PRKN: variants seen among roughly 807,000 people sequenced by gnomAD.
The protein encoded by PRKN is E3 ubiquitin-protein ligase parkin.
PRKN carries 56 observed loss-of-function variants against 59.5 expected under a neutral mutation model. That is an observed-to-expected ratio of 0.94 (90% CI 0.76 to 1.18). PRKN has a LOEUF of 1.18. Ranked by LOEUF, PRKN falls within the 50% of genes most tolerant of loss-of-function variation. The pLI, the probability that PRKN is intolerant of heterozygous loss-of-function variation, is 0.00. For missense variants in PRKN, 657 were observed against 596.4 expected (o/e 1.10, Z -1.06); for synonymous variants, 250 against 222.1 (o/e 1.13, Z -1.12).
At chr6:162,372,579 G>A (rs1054962716) in intron 2 of PRKN, among the ~76,000 whole-genome samples, 1 of 152,086 alleles carries the variant, frequency 6.6e-6, no homozygotes, top group Non-Finnish European at 1.5e-5. Flanking sequence ...GAGGGAGGAG[G>A]GAGGGTTGAA....
At chr6:162,259,387 G>A (rs1173406003) in intron 3 of PRKN, among the ~76,000 whole-genome samples, 1 of 152,094 alleles carries the variant, frequency 6.6e-6, no homozygotes, top group Non-Finnish European at 1.5e-5. Flanking sequence ...AACATTTTGG[G>A]GCCTCTACCC....
intron 3 of PRKN, among the ~76,000 whole-genome samples, chr6:162,220,434 G>A (rs1369099805): frequency 6.6e-6 from 1 of 152,164 alleles, no homozygotes; most frequent in Admixed American, 6.5e-5. Flanking sequence ...AATGAGCCCA[G>A]CAAGGCCAGA....
intron 1 of PRKN, among the ~76,000 whole-genome samples, chr6:162,533,401 G>A (rs955876750): frequency 6.6e-6 from 1 of 152,232 alleles, no homozygotes; most frequent in Non-Finnish European, 1.5e-5. Flanking sequence ...GGTGGCAGGG[G>A]CCTGTAATCC....
intron 7 of PRKN, among the ~76,000 whole-genome samples, chr6:161,690,630 G>C (rs1242565895): frequency 6.6e-6 from 1 of 152,166 alleles, no homozygotes; most frequent in Non-Finnish European, 1.5e-5. Flanking sequence ...GGCCTCCCCA[G>C]AATGGATGGG....
chr6:161,980,508 A>G (rs972564682), intron 5 of PRKN, among the ~76,000 whole-genome samples: 4 of 152,212 alleles, frequency 2.6e-5, no homozygotes, highest in Non-Finnish European at 4.4e-5. Flanking sequence ...GTGGAAGCAC[A>G]GAAGAACTAA....
At chr6:161,981,269 T>C (rs925127934) in intron 5 of PRKN, among the ~76,000 whole-genome samples, 11 of 152,334 alleles carry the variant, frequency 7.2e-5, no homozygotes, top group Admixed American at 2.0e-4. Flanking sequence ...GCTAGAATAG[T>C]TCCTCGTTAG....
At chr6:161,583,506 C>T (rs1781419863) in intron 7 of PRKN, among the ~76,000 whole-genome samples, 1 of 151,692 alleles carries the variant, frequency 6.6e-6, no homozygotes, top group Non-Finnish European at 1.5e-5. Context: ...TTAATATTTA[C>T]AATTCCCTTT....
chr6:162,727,708 C>A lies in PRKN; in HGVS notation c.-40G>T, dbSNP rs561919613. ...TGGCGGCTGCGGGCCAGGAACAGGC[C>A]CATGCGCGCAGCGGCGCCAGCCGCG... On this transcript the variant is annotated 5_prime_UTR_variant, in exon 1 of 12. Coordinates refer to ENST00000366898, the MANE Select transcript of PRKN (RefSeq NM_004562.3). 7.7e-6 allele frequency: 12 copies of A among 1,558,754 alleles called. No homozygotes were observed. The highest frequency in any genetic ancestry group is 1.7e-4 in the Middle Eastern group (1 of 6,002).
At chr6:162,578,890 A>G (rs959691023) in intron 1 of PRKN, among the ~76,000 whole-genome samples, 1 of 152,194 alleles carries the variant, frequency 6.6e-6, no homozygotes, top group Admixed American at 6.5e-5. Context: ...AAATTTTACT[A>G]AAAGTAAATG....
rs555235750 is a variant in PRKN at position 161,966,121 on chromosome 6, G to A, written c.734+7181C>T. 2.0e-5 allele frequency among the ~76,000 whole-genome samples: 3 copies of A among 152,000 alleles called. No individual in the cohort carries two copies. The South Asian group carries it at 6.2e-4, about 32-fold the overall frequency. On this transcript the variant is annotated intron_variant, in intron 6 of 11. Coordinates refer to ENST00000366898, the MANE Select transcript of PRKN (RefSeq NM_004562.3). ...AACATGTTTTGGGCTAAAATATTTTGTTTTTCTTCCTTGTCTCATAATGTT... is the reference window on the plus strand; with the variant it reads ...AACATGTTTTGGGCTAAAATATTTTATTTTTCTTCCTTGTCTCATAATGTT...
At chr6:162,714,652 T>A (rs1303445784) in intron 1 of PRKN, among the ~76,000 whole-genome samples, 3 of 152,216 alleles carry the variant, frequency 2.0e-5, no homozygotes, top group Non-Finnish European at 2.9e-5. Context: ...TACGAACCTT[T>A]TAGTGATATT....
At chr6:161,702,544 G>C (rs1401793822) in intron 7 of PRKN, among the ~76,000 whole-genome samples, 1 of 152,038 alleles carries the variant, frequency 6.6e-6, no homozygotes, top group Admixed American at 6.6e-5. Flanking sequence ...ATGGGGGGAG[G>C]GGGAGGAGAG....
intron 7 of PRKN, among the ~76,000 whole-genome samples, chr6:161,736,381 G>A (rs1464869968): frequency 6.6e-6 from 1 of 152,222 alleles, no homozygotes; most frequent in African/African-American, 2.4e-5. Flanking sequence ...CTGAGCAGCA[G>A]TAAAGGTGAG....
At chr6:162,614,083 TA>T (rs763526392) in intron 1 of PRKN, among the ~76,000 whole-genome samples, 55 of 152,232 alleles carry the variant, frequency 3.6e-4, no homozygotes, top group Admixed American at 9.2e-4. Flanking sequence ...CTTGCATTTA[TA>T]AATACTGTAT....
chr6:161,683,302 G>A (rs569478201), intron 7 of PRKN, among the ~76,000 whole-genome samples: 169 of 152,264 alleles, frequency 1.1e-3, no homozygotes, highest in Non-Finnish European at 3.1e-4. Flanking sequence ...TTTCCCAGAC[G>A]CGTCTGGGTC....
chr6:162,096,661 G>A (rs985020697), intron 4 of PRKN, among the ~76,000 whole-genome samples: 5 of 151,978 alleles, frequency 3.3e-5, no homozygotes, highest in South Asian at 4.2e-4. Context: ...TTCCCCTTTC[G>A]CTTGGTTCTC....
At chr6:162,443,564 C>G in intron 1 of PRKN, 91 bp from the exon 2 acceptor site, 1 of 1,161,036 alleles carries the variant, frequency 8.6e-7, no homozygotes, top group Non-Finnish European at 1.3e-6. Context: ...CGATTTACCC[C>G]TCGCAGCCCT....
chr6:161,674,340 T>C (rs1373481692), intron 7 of PRKN, among the ~76,000 whole-genome samples: 1 of 152,122 alleles, frequency 6.6e-6, no homozygotes, highest in Non-Finnish European at 1.5e-5. Flanking sequence ...TAAATTTAAA[T>C]AAATTGCTCT....
At position 161,546,087 on chromosome 6, in the gene PRKN, C is replaced by T. The variant is rs1779786028; in HGVS notation, c.1083+2767G>A. ...TTGGAAGAGTATATCCAATGAATGC[C>T]ATGTAAGCAATCTTCCTTGAATGTT... On this transcript the variant is annotated intron_variant, in intron 9 of 11. Transcript: ENST00000366898. This position sits in a 1 kb window ranked among gnomAD's most constrained non-coding sequence, Gnocchi z 4.4. 6.6e-6 allele frequency among the ~76,000 whole-genome samples: 1 copy of T among 152,182 alleles called. No homozygotes were observed. Among genetic ancestry groups the T allele is most frequent in the Non-Finnish European group, 1.5e-5 (1 of 68,046 alleles).
Sources: gnomAD v4.1 joint callset for allele counts (sites outside exome capture counted in the v4.1 genomes callset) on GRCh38, gnomAD v4.1.1 for gene constraint, Gnocchi (gnomAD v3.1) non-coding constraint, MANE v1.5 for transcripts, NCBI Gene and HGNC (gene_info 2026-07-23, HGNC 2026-07-21) for gene names.